Variants in GPC3 observed in about 807,000 individuals in gnomAD.
GPC3 encodes glypican 3.
GPC3 carries 3 observed loss-of-function variants against 34.4 expected under a neutral mutation model. The observed-to-expected ratio is 0.09, with a 90% CI of 0.04 to 0.23. The LOEUF is 0.23. Ranked by LOEUF, GPC3 falls within the 10% of genes least tolerant of loss-of-function variation. The pLI, the probability that GPC3 is intolerant of heterozygous loss-of-function variation, is 1.00. For synonymous variants in GPC3, 177 were observed against 174.0 expected (o/e 1.02, Z -0.13); for missense variants, 351 against 445.6 (o/e 0.79, Z 1.91).
At chrX:133,936,698 T>C (rs969531923) in intron 2 of GPC3, among the ~76,000 whole-genome samples, 2 of 112,408 alleles carry the variant, frequency 1.8e-5, no homozygotes, top group African/African-American at 6.5e-5. Context: ...AGAGGGCTCC[T>C]GCATTTTGAT....
intron 1 of GPC3, among the ~76,000 whole-genome samples, chrX:133,979,729 G>A (rs141867560): frequency 4.6e-4 from 51 of 111,555 alleles, no homozygotes; most frequent in African/African-American, 1.6e-3. Flanking sequence ...GCCAGTCTGG[G>A]GCCTGTAACT....
At chrX:133,842,325 AT>A (rs1200267106) in intron 2 of GPC3, among the ~76,000 whole-genome samples, 1 of 106,683 alleles carries the variant, frequency 9.4e-6, no homozygotes, top group African/African-American at 3.5e-5. Flanking sequence ...CAAAAAAAAA[AT>A]AATAATAATA....
chrX:133,692,243 C>T (rs1391738945), intron 5 of GPC3, 126 bp downstream of exon 5: 9 of 753,199 alleles, frequency 1.2e-5, no homozygotes, highest in Non-Finnish European at 1.8e-5. Context: ...CCGCATCCAG[C>T]CTCATAGATT....
intron 1 of GPC3, among the ~76,000 whole-genome samples, chrX:133,981,537 C>A (rs1332595908): frequency 8.9e-6 from 1 of 112,239 alleles, no homozygotes; most frequent in Non-Finnish European, 1.9e-5. Context: ...GCACACAATA[C>A]AGAGTTTTTT....
intron 3 of GPC3, among the ~76,000 whole-genome samples, chrX:133,728,363 G>GAGA (rs2071432167): frequency 9.0e-6 from 1 of 111,097 alleles, no homozygotes; most frequent in Non-Finnish European, 1.9e-5. Context: ...GAGAAAGGAG[G>GAGA]AGGGAAGGAA....
At chrX:133,940,667 G>A (rs1205283804) in intron 2 of GPC3, among the ~76,000 whole-genome samples, 2 of 111,285 alleles carry the variant, frequency 1.8e-5, no homozygotes. Context: ...TTAATTTTTT[G>A]CAAGTTTACA....
At chrX:133,895,193 G>A (rs2076106037) in intron 2 of GPC3, among the ~76,000 whole-genome samples, 1 of 111,884 alleles carries the variant, frequency 8.9e-6, no homozygotes, top group Non-Finnish European at 1.9e-5. Context: ...CTGATGATGA[G>A]AATTTCACTA....
chrX:133,868,975 C>G (rs1258930723), intron 2 of GPC3, among the ~76,000 whole-genome samples: 3 of 112,130 alleles, frequency 2.7e-5, no homozygotes, highest in Non-Finnish European at 5.6e-5. Context: ...TAATAACACA[C>G]AGAGAGAAGT....
chrX:133,980,019 T>C (rs1431737831), intron 1 of GPC3, among the ~76,000 whole-genome samples: 3 of 111,981 alleles, frequency 2.7e-5, no homozygotes, highest in African/African-American at 9.7e-5. Context: ...GCATGTGTTA[T>C]ATAGCTCAAC....
At chrX:133,847,866 G>A (rs2075853942) in intron 2 of GPC3, among the ~76,000 whole-genome samples, 1 of 111,797 alleles carries the variant, frequency 8.9e-6, no homozygotes, top group Non-Finnish European at 1.9e-5. Flanking sequence ...AAGAGAAGCT[G>A]ACCATAGGAA....
Position 133,972,437 on chromosome X carries a change from G to A in GPC3, c.175+12838C>T, listed in dbSNP as rs182936648. Among the ~76,000 whole-genome samples, 5 of 112,189 alleles carry A rather than the reference G, an allele frequency of 4.5e-5. No individual in the cohort carries two copies. In the East Asian group the frequency reaches 1.4e-3, roughly 32 times the overall value. On this transcript the variant is annotated intron_variant, in intron 1 of 7. Coordinates refer to ENST00000370818, the MANE Select transcript of GPC3 (RefSeq NM_004484.4). ...AAACCATTAGTTCCCTATGGGAAGA[G>A]CCAAATGATCTCAGGAGATAGCTGC...
intron 7 of GPC3, among the ~76,000 whole-genome samples, chrX:133,561,046 G>A (rs771591536): frequency 5.4e-5 from 6 of 111,726 alleles, no homozygotes; most frequent in South Asian, 7.5e-4. Context: ...TTTTCAAAGC[G>A]TTTCTGACAG....
chrX:133,808,043 A>G (rs1395283869), intron 2 of GPC3, among the ~76,000 whole-genome samples: 1 of 112,623 alleles, frequency 8.9e-6, no homozygotes, highest in South Asian at 3.7e-4. Flanking sequence ...GCTGGACCAA[A>G]GCAACATCAG....
intron 2 of GPC3, among the ~76,000 whole-genome samples, chrX:133,861,855 C>A (rs1178248350): frequency 1.8e-5 from 2 of 111,768 alleles, no homozygotes; most frequent in East Asian, 5.6e-4. Flanking sequence ...GAAGCAGATG[C>A]TAGCACAATG....
intron 2 of GPC3, among the ~76,000 whole-genome samples, chrX:133,785,665 C>T (rs1233355819): frequency 8.9e-6 from 1 of 111,791 alleles, no homozygotes; most frequent in Non-Finnish European, 1.9e-5. Context: ...AAGTGTACCT[C>T]ATCAAAAGGA....
chrX:133,560,272 CCT>C (rs1443685696), intron 7 of GPC3, among the ~76,000 whole-genome samples: 1 of 111,735 alleles, frequency 8.9e-6, no homozygotes, highest in East Asian at 2.8e-4. Flanking sequence ...TGAAGATTTC[CCT>C]GTGTACATTT....
Position 133,892,716 on chromosome X carries a change from C to T in GPC3, c.337+60334G>A, listed in dbSNP as rs115797891. On this transcript the variant is annotated intron_variant, in intron 2 of 7. Transcript: ENST00000370818. ...AGCTGGAAGGGGGGTAGATATACTT[C>T]GGAAGTTCCTGTGAGGAACTTTACA... 8.4e-3 allele frequency among the ~76,000 whole-genome samples: 927 copies of T among 110,124 alleles called. 18 individuals are homozygous for T. Among genetic ancestry groups the T allele is most frequent in the African/African-American group, 0.029 (890 of 30,231 alleles).
intron 2 of GPC3, among the ~76,000 whole-genome samples, chrX:133,843,746 A>C (rs2075835505): frequency 9.0e-6 from 1 of 111,620 alleles, no homozygotes; most frequent in Non-Finnish European, 1.9e-5. Flanking sequence ...ATAGATAACT[A>C]TACAAATGGT....
At chrX:133,863,648 C>CTTTTTTTTTTTTTTTTTT (rs1165193952) in intron 2 of GPC3, among the ~76,000 whole-genome samples, 12 of 72,881 alleles carry the variant, frequency 1.6e-4, no homozygotes, top group African/African-American at 5.0e-4. Context: ...AAAAATATTC[C>CTTTTTTTTTTTTTTTTTT]TTTTTTTTTT....
Sources: allele counts gnomAD v4.1 joint callset (sites outside exome capture counted in the v4.1 genomes callset), GRCh38; gene constraint gnomAD v4.1.1; transcripts MANE v1.5; gene names NCBI Gene and HGNC (gene_info 2026-07-23, HGNC 2026-07-21).